The following SPRR2B variants were observed in gnomAD, a reference collection of about 807,000 sequenced individuals.
SPRR2B encodes the protein small proline rich protein 2B, also known as small proline-rich protein 2B.
SPRR2B carries 1 observed loss-of-function variant against 1.0 expected under a neutral mutation model. That is an observed-to-expected ratio of 1.01 (90% CI 0.36 to 4.77). The LOEUF (loss-of-function observed/expected upper bound fraction) is 4.77. Among genes scored for constraint, SPRR2B ranks in the 30% most tolerant of loss-of-function variants. The pLI is 0.16. For missense variants in SPRR2B, 53 were observed against 88.7 expected, an observed-to-expected ratio of 0.60 and a Z score of 1.62; for synonymous variants, 27 against 33.4, an observed-to-expected ratio of 0.81 and a Z score of 0.66.
the SPRR2B span, among the ~76,000 whole-genome samples, chr1:153,084,730 G>C: frequency 6.6e-6 from 1 of 152,068 alleles, no homozygotes; most frequent in African/African-American, 2.4e-5. Context: ...AAACAAGAAT[G>C]GACCCCACTG....
At chr1:153,071,521 T>G (rs1056279855) in intron 1 of SPRR2B, among the ~76,000 whole-genome samples, 48 bp downstream of exon 1, 1 of 152,110 alleles carries the variant, frequency 6.6e-6, no homozygotes, top group Non-Finnish European at 1.5e-5. Flanking sequence ...TCAAATTAAA[T>G]TCAACATTTC....
chr1:153,075,782 G>A (rs187156614), upstream of SPRR2B, among the ~76,000 whole-genome samples: 3 of 152,282 alleles, frequency 2.0e-5, no homozygotes, highest in Non-Finnish European at 4.4e-5. Context: ...TGTGCCAGAA[G>A]TTTTTAGGAC....
the SPRR2B span, among the ~76,000 whole-genome samples, chr1:153,083,150 AATAG>A: frequency 3.3e-5 from 5 of 152,202 alleles, no homozygotes; most frequent in African/African-American, 1.2e-4. Context: ...CTCGTGAAGA[AATAG>A]ATAATTTGAA....
the SPRR2B span, among the ~76,000 whole-genome samples, chr1:153,085,989 A>G: frequency 6.6e-6 from 1 of 152,244 alleles, no homozygotes; most frequent in Non-Finnish European, 1.5e-5. Context: ...GGCTAAGGGA[A>G]TTTGTTACCC....
In SPRR2B at chr1:153,070,842, T is replaced by C. The variant is rs752519148; in HGVS notation, c.-3A>G. The C allele has an allele frequency of 4.1e-6, 6 of 1,480,960 alleles. No homozygotes were observed. The East Asian group carries it at 1.1e-4, about 28-fold the overall frequency. The allele number at this position is 1,480,960 out of a possible 1,614,324, so 91.7% of individuals were successfully genotyped here. On this transcript the variant is annotated 5_prime_UTR_variant, in exon 2 of 2. Transcript: ENST00000368755. ...CACTGCTGCTGTTGATAAGACATCCTGCTGGAGTCTCAGGATCTGAAAGAA... is the reference window on the plus strand; with the variant it reads ...CACTGCTGCTGTTGATAAGACATCCCGCTGGAGTCTCAGGATCTGAAAGAA...
At chr1:153,082,594 A>G in the SPRR2B span, among the ~76,000 whole-genome samples, 2 of 152,190 alleles carry the variant, frequency 1.3e-5, no homozygotes, top group African/African-American at 4.8e-5. Flanking sequence ...AAATTAAACA[A>G]CGCACTCTTA....
At chr1:153,077,657 C>A in the SPRR2B span, among the ~76,000 whole-genome samples, 2 of 151,030 alleles carry the variant, frequency 1.3e-5, no homozygotes, top group African/African-American at 4.9e-5. Context: ...CACTGCATCA[C>A]CCAGGCTGGA....
At chr1:153,077,110 G>A in the SPRR2B span, among the ~76,000 whole-genome samples, 1 of 152,192 alleles carries the variant, frequency 6.6e-6, no homozygotes, top group African/African-American at 2.4e-5. Context: ...CAAGAGGGAA[G>A]TGAATGATCA....
the SPRR2B span, among the ~76,000 whole-genome samples, chr1:153,082,026 C>T: frequency 3.9e-5 from 6 of 151,908 alleles, no homozygotes; most frequent in African/African-American, 1.2e-4. Flanking sequence ...CCTGTCATTT[C>T]GCCATGTTGG....
the SPRR2B span, among the ~76,000 whole-genome samples, chr1:153,085,640 C>T: frequency 1.3e-5 from 2 of 152,138 alleles, no homozygotes; most frequent in African/African-American, 4.8e-5. Flanking sequence ...CTTCCCCAGC[C>T]CAGCTAGAGA....
chr1:153,080,566 TTA>T, the SPRR2B span, among the ~76,000 whole-genome samples: 2 of 152,172 alleles, frequency 1.3e-5, no homozygotes, highest in East Asian at 3.9e-4. Context: ...CAACACACTC[TTA>T]AAAAGTCAAA....
the SPRR2B span, among the ~76,000 whole-genome samples, chr1:153,086,754 A>G: frequency 6.6e-6 from 1 of 152,234 alleles, no homozygotes; most frequent in African/African-American, 2.4e-5. Context: ...ACAACTGTTC[A>G]CCTAAAAACA....
chr1:153,075,646 C>T (rs1654756489), upstream of SPRR2B, among the ~76,000 whole-genome samples: 1 of 152,086 alleles, frequency 6.6e-6, no homozygotes, highest in Non-Finnish European at 1.5e-5. Flanking sequence ...AGAGAGTACT[C>T]AAAATAGTAA....
At chr1:153,072,980 A>G (rs1458709199), upstream of SPRR2B, among the ~76,000 whole-genome samples, 1 of 152,220 alleles carries the variant, frequency 6.6e-6, no homozygotes. Context: ...AAGAAGAAGG[A>G]CAAGGAAGAT....
chr1:153,087,239 T>C, the SPRR2B span, among the ~76,000 whole-genome samples: 3 of 151,744 alleles, frequency 2.0e-5, no homozygotes, highest in Non-Finnish European at 4.4e-5. Context: ...GAGATCACGC[T>C]ACTGCAATCC....
the SPRR2B span, among the ~76,000 whole-genome samples, chr1:153,080,475 C>A: frequency 1.3e-5 from 2 of 152,062 alleles, no homozygotes; most frequent in Non-Finnish European, 2.9e-5. Context: ...ATGCAATGAA[C>A]TTTTCCAATC....
chr1:153,080,025 T>A, the SPRR2B span, among the ~76,000 whole-genome samples: 34 of 152,314 alleles, frequency 2.2e-4, no homozygotes, highest in Admixed American at 5.2e-4. Flanking sequence ...TTTATTTGTA[T>A]CCTCTTTTAT....
chr1:153,079,661 G>A, the SPRR2B span, among the ~76,000 whole-genome samples: 1 of 152,144 alleles, frequency 6.6e-6, no homozygotes, highest in Non-Finnish European at 1.5e-5. Context: ...GTTTGTCAAA[G>A]ATCAGATGGT....
chr1:153,072,981 C>A (rs1351311348), upstream of SPRR2B, among the ~76,000 whole-genome samples: 8 of 152,238 alleles, frequency 5.3e-5, no homozygotes, highest in South Asian at 2.1e-4. Context: ...AGAAGAAGGA[C>A]AAGGAAGATA....
Sources: gnomAD v4.1 joint callset for allele counts (sites outside exome capture counted in the v4.1 genomes callset) on GRCh38, gnomAD v4.1.1 for gene constraint, MANE v1.5 for transcripts, NCBI Gene and HGNC (gene_info 2026-07-23, HGNC 2026-07-21) for gene names.